Variants in STK32B observed in about 807,000 individuals in gnomAD.
The protein encoded by STK32B is serine/threonine-protein kinase 32B.
In STK32B, 43 loss-of-function variants were observed where a neutral mutation model predicts 52.6. The ratio of observed to expected loss-of-function variants is 0.82; its 90% CI spans 0.64 to 1.05. The LOEUF (loss-of-function observed/expected upper bound fraction) is 1.05, where lower values mean the gene tolerates loss of function less well. Ranked by LOEUF, STK32B falls within the 50% of genes least tolerant of loss-of-function variation. The pLI is 0.00. For synonymous variants in STK32B, 238 were observed against 204.3 expected (o/e 1.17, Z -1.41); for missense variants, 621 against 534.6 (o/e 1.16, Z -1.59).
At position 5,390,964 on chromosome 4, in the gene STK32B, C is replaced by CTTTTT. The variant is rs71638602; in HGVS notation, c.435-7228_435-7224dup. 5.6e-3 allele frequency among the ~76,000 whole-genome samples: 699 copies of CTTTTT among 123,994 alleles called. 13 individuals carry two copies. The highest frequency in any genetic ancestry group is 0.022 in the African/African-American group (675 of 31,248). 81.3% of individuals were successfully genotyped at this position (123,994 alleles called of 152,430 possible). A position where few individuals can be genotyped will look rare whatever the true frequency, so the allele number is the denominator to read the frequency against. The stretch of plus-strand genomic sequence containing the variant: ...GTGTCTACCTGTGTCTCTTTTCTAT[C>CTTTTT]TTTTTTTTTTTTTTTTTTTGAGACG... On this transcript the variant is annotated intron_variant, in intron 4 of 11. Coordinates refer to ENST00000282908, the MANE Select transcript of STK32B (RefSeq NM_018401.3).
chr4:5,444,702 C>A (rs1338762014), intron 6 of STK32B, among the ~76,000 whole-genome samples: 2 of 152,192 alleles, frequency 1.3e-5, no homozygotes, highest in Non-Finnish European at 2.9e-5. Flanking sequence ...TCACTACGGG[C>A]CAGGCATCCT....
intron 4 of STK32B, among the ~76,000 whole-genome samples, chr4:5,366,761 G>A (rs1479138331): frequency 6.6e-6 from 1 of 152,172 alleles, no homozygotes; most frequent in African/African-American, 2.4e-5. Context: ...CAGATTCCTT[G>A]ACTACTGAGT....
At chr4:5,462,419 G>T (rs1717105515) in intron 9 of STK32B, among the ~76,000 whole-genome samples, 1 of 151,996 alleles carries the variant, frequency 6.6e-6, no homozygotes, top group Non-Finnish European at 1.5e-5. Flanking sequence ...TGTGTGTGTG[G>T]TGTGCAAGTG....
At chr4:5,055,975 C>T (rs1741990745) in intron 1 of STK32B, among the ~76,000 whole-genome samples, 1 of 152,064 alleles carries the variant, frequency 6.6e-6, no homozygotes, top group Non-Finnish European at 1.5e-5. Flanking sequence ...AATCAGGGAT[C>T]CACAACCCCT....
rs1233067613 is a variant in STK32B at position 5,400,815 on chromosome 4, AC to A, written c.472+2572del. ...CTTGCCTTTGTCTTTCCCTCAGTAA[AC>A]ATCTCTTGAGCACCTGCTGTGTGCC... On this transcript the variant is annotated intron_variant, in intron 5 of 11. Transcript: ENST00000282908. This position sits in a 1 kb window ranked among gnomAD's most constrained non-coding sequence, Gnocchi z 6.1. Among the ~76,000 whole-genome samples, 2 of 152,262 alleles carry A rather than the reference AC, an allele frequency of 1.3e-5. No homozygotes were observed. The highest frequency in any genetic ancestry group is 2.4e-5 in the African/African-American group (1 of 41,548).
intron 11 of STK32B, among the ~76,000 whole-genome samples, chr4:5,498,560 T>C (rs1352554428): frequency 6.6e-6 from 1 of 152,152 alleles, no homozygotes; most frequent in African/African-American, 2.4e-5. Context: ...ACATGTATAC[T>C]GAATGAATGA....
intron 4 of STK32B, among the ~76,000 whole-genome samples, chr4:5,360,759 T>C (rs1304079227): frequency 6.6e-6 from 1 of 152,098 alleles, no homozygotes; most frequent in Non-Finnish European, 1.5e-5. Context: ...TGAACCGAGA[T>C]TGTGCCATTG....
At chr4:5,254,101 A>T (rs994574196) in intron 3 of STK32B, among the ~76,000 whole-genome samples, 1 of 152,182 alleles carries the variant, frequency 6.6e-6, no homozygotes, top group Admixed American at 6.5e-5. Flanking sequence ...TTTTTTGTAG[A>T]TAAAGGACTA....
the STK32B span, among the ~76,000 whole-genome samples, chr4:5,044,109 C>T: frequency 6.6e-6 from 1 of 152,132 alleles, no homozygotes; most frequent in Non-Finnish European, 1.5e-5. Flanking sequence ...TATTCCTTCG[C>T]CAAAGGCAGT....
At chr4:5,450,753 G>C in intron 7 of STK32B, among the ~76,000 whole-genome samples, 1 of 152,162 alleles carries the variant, frequency 6.6e-6, no homozygotes, top group Non-Finnish European at 1.5e-5. Flanking sequence ...TAATTACCCA[G>C]CTCCAAGACT....
At chr4:5,300,519 A>G (rs1011957071) in intron 3 of STK32B, among the ~76,000 whole-genome samples, 23 of 152,310 alleles carry the variant, frequency 1.5e-4, no homozygotes, top group Middle Eastern at 3.4e-3. Flanking sequence ...ACATTATTCT[A>G]CACTTAGAAA....
intron 3 of STK32B, among the ~76,000 whole-genome samples, chr4:5,232,852 A>G (rs576848129): frequency 1.3e-5 from 2 of 152,218 alleles, no homozygotes; most frequent in East Asian, 3.9e-4. Context: ...TGTTTGGGAC[A>G]GGCCAGTGGG....
At position 5,230,178 on chromosome 4, in the gene STK32B, C is replaced by CTTTTTTT. The variant is rs752036100; in HGVS notation, c.260+61753_260+61759dup. Among the ~76,000 whole-genome samples the CTTTTTTT allele has an allele frequency of 1.3e-3, 94 of 71,122 alleles. 10 individuals are homozygous for CTTTTTTT. Among genetic ancestry groups the CTTTTTTT allele is most frequent in the African/African-American group, 5.3e-3 (68 of 12,902 alleles). 46.7% of individuals were successfully genotyped at this position (71,122 alleles called of 152,430 possible). The stretch of plus-strand genomic sequence containing the variant: ...AGAAGAACACTCAAGCATGCATTCC[C>CTTTTTTT]TTTTTTTTTTTTTTTTTTTTTTTTT... On this transcript the variant is annotated intron_variant, in intron 3 of 11. Coordinates refer to ENST00000282908, the MANE Select transcript of STK32B (RefSeq NM_018401.3).
chr4:5,051,181 A>T (rs190988378), upstream of STK32B, among the ~76,000 whole-genome samples: 438 of 152,070 alleles, frequency 2.9e-3, no homozygotes, highest in African/African-American at 0.01. Context: ...CTAACCACAG[A>T]CCTAAGAGCC....
rs572372981 is a variant in STK32B, at chr4:5,173,158, C to A, written c.260+4708C>A. On this transcript the variant is annotated intron_variant, in intron 3 of 11. Coordinates refer to ENST00000282908, the MANE Select transcript of STK32B (RefSeq NM_018401.3). ...TTTCTGTGGGATCGGTGGTGATATCCCCTTTGTCATTTTTATTGTGTCTAT... is the reference window on the plus strand; with the variant it reads ...TTTCTGTGGGATCGGTGGTGATATCACCTTTGTCATTTTTATTGTGTCTAT... 2.0e-5 allele frequency among the ~76,000 whole-genome samples: 3 copies of A among 151,978 alleles called. No homozygotes were observed. The East Asian group carries it at 5.8e-4, about 29-fold the overall frequency.
intron 1 of STK32B, among the ~76,000 whole-genome samples, chr4:5,128,574 A>G (rs183540219): frequency 3.9e-5 from 6 of 152,336 alleles, no homozygotes; most frequent in Admixed American, 6.5e-5. Flanking sequence ...TACAAAACAC[A>G]TTAATCAACT....
At chr4:5,313,606 A>T (rs578099064) in intron 3 of STK32B, among the ~76,000 whole-genome samples, 3 of 151,906 alleles carry the variant, frequency 2.0e-5, no homozygotes, top group South Asian at 4.1e-4. Flanking sequence ...ATTAAAAAAC[A>T]AAGAATTTAT....
the STK32B span, among the ~76,000 whole-genome samples, chr4:5,044,990 T>C: frequency 1.3e-5 from 2 of 152,190 alleles, no homozygotes; most frequent in Non-Finnish European, 2.9e-5. Context: ...CAACCCCCAA[T>C]GTGCTGATGC....
At chr4:5,440,632 C>T (rs1265825467) in intron 6 of STK32B, among the ~76,000 whole-genome samples, 1 of 152,196 alleles carries the variant, frequency 6.6e-6, no homozygotes, top group African/African-American at 2.4e-5. Context: ...CCAGAACCTC[C>T]AACACTATGT....
Sources: allele counts gnomAD v4.1 joint callset (sites outside exome capture counted in the v4.1 genomes callset), GRCh38; gene constraint gnomAD v4.1.1; non-coding constraint Gnocchi (gnomAD v3.1); transcripts MANE v1.5; gene names NCBI Gene and HGNC (gene_info 2026-07-23, HGNC 2026-07-21).